The following CHODL variants were observed in gnomAD, a reference collection of about 807,000 sequenced individuals.
The protein encoded by CHODL is chondrolectin.
CHODL carries 29 observed loss-of-function variants against 34.5 expected under a neutral mutation model. The observed-to-expected ratio is 0.84, with a 90% CI of 0.63 to 1.15. The LOEUF (loss-of-function observed/expected upper bound fraction) is 1.15. CHODL is among the 50% of genes most tolerant of loss of function. The pLI, the probability that CHODL is intolerant of heterozygous loss-of-function variation, is 0.00. For synonymous variants in CHODL, 125 were observed against 116.1 expected, an observed-to-expected ratio of 1.08 and a Z score of -0.49; for missense variants, 332 against 332.5, an observed-to-expected ratio of 1.00 and a Z score of 0.01.
chr21:18,223,789 T>C (rs971963043), intron 2 of CHODL, among the ~76,000 whole-genome samples: 29 of 151,600 alleles, frequency 1.9e-4, no homozygotes, highest in African/African-American at 7.0e-4. Context: ...CACTGAAATA[T>C]AAGGGTTTGT....
rs149590272 is a variant in CHODL, at chr21:18,083,176, C to A, written c.-45+55205C>A. On this transcript the variant is annotated intron_variant, in intron 2 of 6. Coordinates refer to the CHODL transcript ENST00000400127. Reference sequence around the variant, plus strand: ...GCACCCTGTATCCAAGCCACTCCAGCTCCAGCCATGGCTGTTGCTTCAGAG... The same window carrying A: ...GCACCCTGTATCCAAGCCACTCCAGATCCAGCCATGGCTGTTGCTTCAGAG... Among the ~76,000 whole-genome samples the A allele has an allele frequency of 7.5e-3, 1,148 of 152,322 alleles. 26 individuals are homozygous for A. The highest frequency in any genetic ancestry group is 0.038 in the Admixed American group (586 of 15,298).
intron 1 of CHODL, among the ~76,000 whole-genome samples, chr21:17,963,614 C>T (rs2063549554): frequency 6.6e-6 from 1 of 152,186 alleles, no homozygotes. Flanking sequence ...TTACCTCCCA[C>T]TGGGTCCCTC....
intron 2 of CHODL, among the ~76,000 whole-genome samples, chr21:18,050,300 T>A (rs1313829681): frequency 1.3e-5 from 2 of 151,926 alleles, no homozygotes; most frequent in East Asian, 3.9e-4. Context: ...GTGTTTGGAT[T>A]TATATGGCCT....
intron 2 of CHODL, among the ~76,000 whole-genome samples, chr21:18,202,938 T>G (rs1353945000): frequency 6.6e-6 from 1 of 152,158 alleles, no homozygotes; most frequent in East Asian, 1.9e-4. Flanking sequence ...GTTCTTAGCG[T>G]GAATAATTTA....
At chr21:18,260,889 C>T (rs2074373112) in intron 4 of CHODL, among the ~76,000 whole-genome samples, 1 of 152,098 alleles carries the variant, frequency 6.6e-6, no homozygotes, top group African/African-American at 2.4e-5. Flanking sequence ...TTTGGATCTA[C>T]AAGAAATTTC....
intron 1 of CHODL, among the ~76,000 whole-genome samples, chr21:17,988,555 C>G (rs1446989171): frequency 4.6e-5 from 4 of 87,192 alleles, no homozygotes; most frequent in Non-Finnish European, 8.8e-5. Context: ...CCCCTCCCCC[C>G]ACCCCACAAC....
intron 1 of CHODL, among the ~76,000 whole-genome samples, chr21:17,938,494 A>AG (rs2063335949): frequency 2.3e-4 from 1 of 4,400 alleles, no homozygotes; most frequent in Non-Finnish European, 4.8e-4. Context: ...TTTTTTTTTT[A>AG]AGGAAAGGGA....
chr21:18,119,605 T>C (rs956116018), intron 2 of CHODL, among the ~76,000 whole-genome samples: 1 of 152,136 alleles, frequency 6.6e-6, no homozygotes, highest in Admixed American at 6.6e-5. Flanking sequence ...GGAACATATG[T>C]CTAAGCTTTG....
intron 1 of CHODL, among the ~76,000 whole-genome samples, chr21:17,945,278 TA>T (rs921046161): frequency 8.0e-5 from 12 of 150,268 alleles, no homozygotes; most frequent in East Asian, 2.0e-4. Context: ...ATAAAATGAC[TA>T]AAAAAAATTT....
chr21:18,089,330 ATC>A (rs1432260270), intron 2 of CHODL, among the ~76,000 whole-genome samples: 2 of 152,064 alleles, frequency 1.3e-5, no homozygotes, highest in East Asian at 1.9e-4. Context: ...TTATTAATTT[ATC>A]TGTTTTCTTC....
intron 2 of CHODL, among the ~76,000 whole-genome samples, chr21:18,033,582 A>G (rs2064273224): frequency 6.6e-6 from 1 of 152,024 alleles, no homozygotes; most frequent in African/African-American, 2.4e-5. Context: ...CCAAATCATT[A>G]TCACTTAGAG....
intron 2 of CHODL, among the ~76,000 whole-genome samples, chr21:18,166,751 GTAC>G (rs2073157822): frequency 6.6e-6 from 1 of 151,784 alleles, no homozygotes; most frequent in African/African-American, 2.4e-5. Flanking sequence ...GAATTCTTTT[GTAC>G]TATAATTTTA....
chr21:18,256,106 AT>A (rs2074311942), intron 1 of CHODL, among the ~76,000 whole-genome samples: 1 of 152,092 alleles, frequency 6.6e-6, no homozygotes, highest in South Asian at 2.1e-4. Context: ...GTTTCATTAT[AT>A]ATTACTTGTT....
chr21:18,023,718 AT>A (rs1312686619), intron 1 of CHODL, among the ~76,000 whole-genome samples: 1 of 152,166 alleles, frequency 6.6e-6, no homozygotes, highest in Non-Finnish European at 1.5e-5. Flanking sequence ...TTATAGCAGT[AT>A]TTACCCTTTA....
chr21:17,997,700 A>G (rs917338503), intron 1 of CHODL, among the ~76,000 whole-genome samples: 6 of 152,126 alleles, frequency 3.9e-5, no homozygotes, highest in African/African-American at 1.4e-4. Context: ...AAAAGTGAAA[A>G]CGGAAACCCC....
At chr21:18,193,924 A>G (rs183905091) in intron 2 of CHODL, among the ~76,000 whole-genome samples, 19 of 151,948 alleles carry the variant, frequency 1.3e-4, no homozygotes, top group Non-Finnish European at 2.4e-4. Context: ...AAATGACACC[A>G]TTATCCATCG....
At chr21:18,159,260 C>T (rs1438958988) in intron 2 of CHODL, among the ~76,000 whole-genome samples, 2 of 152,130 alleles carry the variant, frequency 1.3e-5, no homozygotes, top group Non-Finnish European at 2.9e-5. Context: ...CAAACCCTGG[C>T]ATAAGGTAAG....
At chr21:18,061,767 G>A (rs1331557308) in intron 2 of CHODL, among the ~76,000 whole-genome samples, 1 of 152,158 alleles carries the variant, frequency 6.6e-6, no homozygotes, top group Non-Finnish European at 1.5e-5. Flanking sequence ...CAAAGATATT[G>A]CCATCTGAGA....
rs537507482 is a variant in CHODL, at chr21:17,980,541, C to T, written c.-144-47331C>T. On this transcript the variant is annotated intron_variant, in intron 1 of 6. Coordinates refer to the CHODL transcript ENST00000400127. Reference sequence around the variant, plus strand: ...AATTTTTCAGGCCTGTACTTGAAAACGTTGTAGTTTAAGTGCCAGGTTGTA... The same window carrying T: ...AATTTTTCAGGCCTGTACTTGAAAATGTTGTAGTTTAAGTGCCAGGTTGTA... 7.9e-5 allele frequency among the ~76,000 whole-genome samples: 12 copies of T among 152,202 alleles called. No homozygotes were observed. In the South Asian group the frequency reaches 1.9e-3, roughly 24 times the overall value.
Sources: gnomAD v4.1 joint callset for allele counts (sites outside exome capture counted in the v4.1 genomes callset) on GRCh38, gnomAD v4.1.1 for gene constraint, MANE v1.5 for transcripts, NCBI Gene and HGNC (gene_info 2026-07-23, HGNC 2026-07-21) for gene names.